ZNF407: variants seen among roughly 807,000 people sequenced by gnomAD.
The protein encoded by ZNF407 is zinc finger protein 407.
ZNF407 carries 17 observed loss-of-function variants against 131.2 expected under a neutral mutation model. That is an observed-to-expected ratio of 0.13 (90% confidence interval 0.09 to 0.19). ZNF407 has a LOEUF of 0.19. Ranked by LOEUF, ZNF407 falls within the 10% of genes least tolerant of loss-of-function variation. The probability of loss-of-function intolerance (pLI) is 1.00; values close to 1 mark genes in which losing one functional copy is unlikely to be tolerated. For synonymous variants in ZNF407, 1,156 were observed against 1,062.0 expected, an observed-to-expected ratio of 1.09 and a Z score of -1.72; for missense variants, 2,681 against 2,830.6, an observed-to-expected ratio of 0.95 and a Z score of 1.20.
At chr18:75,020,837 G>A (rs1973101601) in intron 8 of ZNF407, among the ~76,000 whole-genome samples, 1 of 152,124 alleles carries the variant, frequency 6.6e-6, no homozygotes, top group South Asian at 2.1e-4. Flanking sequence ...TCTAATCTGT[G>A]GATGTCATCC....
intron 4 of ZNF407, among the ~76,000 whole-genome samples, chr18:74,847,261 A>G (rs1033094942): frequency 1.3e-5 from 2 of 152,162 alleles, no homozygotes; most frequent in African/African-American, 4.8e-5. Context: ...GGGTGTTTAT[A>G]TGGGACAGTG....
intron 4 of ZNF407, among the ~76,000 whole-genome samples, chr18:74,849,740 A>C (rs1393655843): frequency 6.6e-6 from 1 of 152,198 alleles, no homozygotes; most frequent in East Asian, 1.9e-4. Context: ...ACTTACCACC[A>C]TGGGTAGCAT....
In ZNF407 at chr18:74,635,952, G is replaced by C. The variant is rs1181932827; in HGVS notation, c.4687+246G>C. On this transcript the variant is annotated intron_variant, in intron 2 of 8. Coordinates refer to ENST00000299687, the MANE Select transcript of ZNF407 (RefSeq NM_017757.3). This position sits in a 1 kb window ranked among gnomAD's most constrained non-coding sequence, Gnocchi z 4.7. ...TCTTTTAATTTTGTCAAAAAGCCTAGTCCCTCTGATGCCTTTTAAAAACTG... is the reference window on the plus strand; with the variant it reads ...TCTTTTAATTTTGTCAAAAAGCCTACTCCCTCTGATGCCTTTTAAAAACTG... Among the ~76,000 whole-genome samples, 1 of 152,196 alleles carries C rather than the reference G, an allele frequency of 6.6e-6. No individual in the cohort carries two copies. The highest frequency in any genetic ancestry group is 2.4e-5 in the African/African-American group (1 of 41,448).
At chr18:74,839,705 A>G (rs1970605898) in intron 4 of ZNF407, among the ~76,000 whole-genome samples, 1 of 152,196 alleles carries the variant, frequency 6.6e-6, no homozygotes, top group African/African-American at 2.4e-5. Flanking sequence ...AGCAGTGTGG[A>G]TACCCACACT....
At chr18:74,916,646 GTGTGT>G (rs1260408457) in intron 7 of ZNF407, among the ~76,000 whole-genome samples, 6 of 136,910 alleles carry the variant, frequency 4.4e-5, no homozygotes, top group Non-Finnish European at 7.7e-5. Context: ...GTGTGTGTGT[GTGTGT>G]GCATGTGTGT....
chr18:74,962,822 C>G (rs1322129827), intron 8 of ZNF407, among the ~76,000 whole-genome samples: 1 of 152,234 alleles, frequency 6.6e-6, no homozygotes, highest in Non-Finnish European at 1.5e-5. Flanking sequence ...GGCTGTCCAG[C>G]TCTCCTACTG....
At chr18:74,741,693 A>C (rs561974791) in intron 3 of ZNF407, among the ~76,000 whole-genome samples, 2 of 152,306 alleles carry the variant, frequency 1.3e-5, no homozygotes, top group South Asian at 2.1e-4. Flanking sequence ...CATTTCAAAC[A>C]ATAGTAAATT....
intron 3 of ZNF407, among the ~76,000 whole-genome samples, chr18:74,759,659 T>C (rs908190744): frequency 6.6e-6 from 1 of 152,084 alleles, no homozygotes; most frequent in Non-Finnish European, 1.5e-5. Flanking sequence ...CTCTAGTGAA[T>C]TTTTCGTTCA....
chr18:75,001,566 A>G (rs1017232100), intron 8 of ZNF407, among the ~76,000 whole-genome samples: 2 of 152,226 alleles, frequency 1.3e-5, no homozygotes, highest in Middle Eastern at 3.2e-3. Context: ...ACATAGAACC[A>G]TAGGAATAGA....
chr18:74,941,349 C>T (rs910378337), intron 8 of ZNF407, among the ~76,000 whole-genome samples: 1 of 152,188 alleles, frequency 6.6e-6, no homozygotes, highest in African/African-American at 2.4e-5. Flanking sequence ...CTCTTGCTCA[C>T]TCTCCCTTGG....
At chr18:74,598,455 C>T (rs1982410650) in intron 1 of ZNF407, 1 of 152,338 alleles carries the variant, frequency 6.6e-6, no homozygotes, top group African/African-American at 2.4e-5. Context: ...AAAACAGATG[C>T]TCCCCTAGCT....
intron 4 of ZNF407, among the ~76,000 whole-genome samples, chr18:74,876,372 A>G (rs1214952974): frequency 6.6e-6 from 1 of 152,206 alleles, no homozygotes; most frequent in Non-Finnish European, 1.5e-5. Flanking sequence ...TTTTAAACTC[A>G]TATTGGAAAT....
intron 1 of ZNF407, among the ~76,000 whole-genome samples, chr18:74,604,076 G>A (rs1982695313): frequency 6.6e-6 from 1 of 152,108 alleles, no homozygotes; most frequent in Non-Finnish European, 1.5e-5. Context: ...TAAAAATTTA[G>A]GCATCATCAT....
chr18:74,813,703 G>A (rs1055644117), intron 4 of ZNF407, among the ~76,000 whole-genome samples: 1 of 152,134 alleles, frequency 6.6e-6, no homozygotes, highest in African/African-American at 2.4e-5. Flanking sequence ...TTAGCTCCAA[G>A]GGCCCCTTTG....
chr18:74,730,717 T>C (rs560107654), intron 3 of ZNF407, among the ~76,000 whole-genome samples: 105 of 152,224 alleles, frequency 6.9e-4, no homozygotes, highest in Non-Finnish European at 1.4e-3. Context: ...TTATTGTTAG[T>C]CTATAAATGT....
At chr18:74,890,505 A>G (rs1257485752) in intron 7 of ZNF407, among the ~76,000 whole-genome samples, 1 of 152,216 alleles carries the variant, frequency 6.6e-6, no homozygotes, top group African/African-American at 2.4e-5. Flanking sequence ...TCCATTTTCT[A>G]TAATCTTAAC....
chr18:74,760,396 T>A (rs1323148386), intron 3 of ZNF407, among the ~76,000 whole-genome samples: 1 of 152,204 alleles, frequency 6.6e-6, no homozygotes, highest in Non-Finnish European at 1.5e-5. Context: ...GCCCTGTGCA[T>A]GTGTGTTTGC....
chr18:74,867,182 A>G (rs1971024539), intron 4 of ZNF407, among the ~76,000 whole-genome samples: 1 of 152,148 alleles, frequency 6.6e-6, no homozygotes, highest in African/African-American at 2.4e-5. Context: ...TTTAAATCCC[A>G]TGTGTTTTGT....
chr18:74,671,307 C>T (rs1439034869), intron 3 of ZNF407, among the ~76,000 whole-genome samples: 9 of 151,800 alleles, frequency 5.9e-5, no homozygotes, highest in East Asian at 1.9e-4. Context: ...TTCTGTTGTA[C>T]GGATGGACCA....
Sources: gnomAD v4.1 joint callset for allele counts (sites outside exome capture counted in the v4.1 genomes callset) on GRCh38, gnomAD v4.1.1 for gene constraint, Gnocchi (gnomAD v3.1) non-coding constraint, MANE v1.5 for transcripts, NCBI Gene and HGNC (gene_info 2026-07-23, HGNC 2026-07-21) for gene names.